PRELID2: variants seen among roughly 807,000 people sequenced by gnomAD.
PRELID2 encodes the protein PRELI domain containing 2.
A neutral mutation model predicts 28.4 loss-of-function variants in PRELID2; 25 were observed. The ratio of observed to expected loss-of-function variants is 0.88; its 90% confidence interval spans 0.64 to 1.23. The LOEUF (loss-of-function observed/expected upper bound fraction) is 1.23. Among genes scored for constraint, PRELID2 ranks in the 50% most tolerant of loss-of-function variants. PRELID2 has a pLI of 0.00. For synonymous variants in PRELID2, 76 were observed against 71.6 expected, an observed-to-expected ratio of 1.06 and a Z score of -0.31; for missense variants, 201 against 214.4, an observed-to-expected ratio of 0.94 and a Z score of 0.39.
intron 1 of PRELID2, among the ~76,000 whole-genome samples, chr5:145,493,478 T>C (rs370457948): frequency 6.6e-5 from 10 of 152,316 alleles, no homozygotes; most frequent in East Asian, 1.9e-4. Flanking sequence ...TTCTCTTGCC[T>C]AAAATTGTGC....
chr5:145,767,072 T>C (rs1479977275), intron 5 of PRELID2, among the ~76,000 whole-genome samples: 1 of 152,080 alleles, frequency 6.6e-6, no homozygotes, highest in African/African-American at 2.4e-5. Flanking sequence ...AGTCAGAATA[T>C]ACATTCCCGT....
At chr5:145,272,151 T>C in the PRELID2 span, among the ~76,000 whole-genome samples, 1 of 152,128 alleles carries the variant, frequency 6.6e-6, no homozygotes, top group Non-Finnish European at 1.5e-5. Context: ...TTTATTAGTT[T>C]GACTTACTGA....
chr5:145,364,534 T>C, the PRELID2 span, among the ~76,000 whole-genome samples: 1 of 151,982 alleles, frequency 6.6e-6, no homozygotes, highest in Non-Finnish European at 1.5e-5. Context: ...TCCTCAGCTT[T>C]TAAAAGAGTG....
At chr5:145,390,488 A>C in the PRELID2 span, among the ~76,000 whole-genome samples, 1 of 152,278 alleles carries the variant, frequency 6.6e-6, no homozygotes, top group South Asian at 2.1e-4. Context: ...AAACCATCAG[A>C]TATCATGAGA....
chr5:145,438,469 A>C, the PRELID2 span, among the ~76,000 whole-genome samples: 1 of 152,160 alleles, frequency 6.6e-6, no homozygotes, highest in Admixed American at 6.5e-5. Flanking sequence ...GGCAACCCTA[A>C]ATAAACCAAC....
chr5:145,270,280 C>T, the PRELID2 span, among the ~76,000 whole-genome samples: 2 of 152,066 alleles, frequency 1.3e-5, no homozygotes, highest in African/African-American at 4.8e-5. Flanking sequence ...CTAAAATACA[C>T]TTACAAAAAT....
At chr5:145,609,367 G>A (rs188057059) in intron 1 of PRELID2, among the ~76,000 whole-genome samples, 50 of 152,300 alleles carry the variant, frequency 3.3e-4, no homozygotes, top group African/African-American at 1.2e-3. Flanking sequence ...AAGTTCCCGT[G>A]CTGGTTCTTT....
intron 1 of PRELID2, among the ~76,000 whole-genome samples, chr5:145,610,868 C>G (rs1753603083): frequency 6.6e-6 from 1 of 151,806 alleles, no homozygotes; most frequent in Non-Finnish European, 1.5e-5. Flanking sequence ...CAAAATTCTT[C>G]TTTTTGAAAT....
In PRELID2 at chr5:145,741,961, A is replaced by AATAAAT. The variant is rs1433352696; in HGVS notation, n.70+22964_70+22969dup. On this transcript the variant is annotated intron_variant and non_coding_transcript_variant, in intron 1 of 2. Coordinates refer to the PRELID2 transcript ENST00000510259. ...TAAATAAATAAATTTATTATAATTA[A>AATAAAT]ATAAATAAATTTATTTAATTATAAT... Among the ~76,000 whole-genome samples, 13 of 71,418 alleles carry AATAAAT rather than the reference A, an allele frequency of 1.8e-4. No individual in the cohort carries two copies. In the Admixed American group the frequency reaches 2.5e-3, roughly 14 times the overall value. 46.9% of individuals were successfully genotyped at this position (71,418 alleles called of 152,430 possible).
At chr5:145,296,786 G>A in the PRELID2 span, among the ~76,000 whole-genome samples, 5 of 152,086 alleles carry the variant, frequency 3.3e-5, no homozygotes, top group Admixed American at 3.3e-4. Context: ...CACAAGGGTT[G>A]AACTAGTTTA....
chr5:145,262,260 G>A, the PRELID2 span, among the ~76,000 whole-genome samples: 5 of 151,944 alleles, frequency 3.3e-5, no homozygotes, highest in East Asian at 9.6e-4. Flanking sequence ...ATCTAAGTTT[G>A]GAAAACATAT....
intron 1 of PRELID2, among the ~76,000 whole-genome samples, chr5:145,590,848 C>T (rs781099255): frequency 2.6e-5 from 4 of 152,058 alleles, no homozygotes; most frequent in Non-Finnish European, 5.9e-5. Flanking sequence ...TAATTAAAAC[C>T]CATGAATACA....
chr5:145,703,293 C>T (rs1529708), intron 1 of PRELID2, among the ~76,000 whole-genome samples: 24,640 of 152,084 alleles, frequency 0.16, 4,824 homozygotes, highest in African/African-American at 0.47. Context: ...AAGTGAACTT[C>T]GTTGATTCAG....
chr5:145,418,751 T>A, the PRELID2 span, among the ~76,000 whole-genome samples: 1 of 152,022 alleles, frequency 6.6e-6, no homozygotes, highest in Non-Finnish European at 1.5e-5. Flanking sequence ...TATTATACTT[T>A]AAGTTTTAGG....
At chr5:145,449,273 C>T in the PRELID2 span, among the ~76,000 whole-genome samples, 5 of 152,004 alleles carry the variant, frequency 3.3e-5, no homozygotes, top group African/African-American at 4.8e-5. Flanking sequence ...AGGTCATAAA[C>T]GGACTTAAAG....
intron 1 of PRELID2, among the ~76,000 whole-genome samples, chr5:145,735,546 G>C (rs1231750666): frequency 6.6e-6 from 1 of 152,032 alleles, no homozygotes; most frequent in Non-Finnish European, 1.5e-5. Context: ...TTCATGACTG[G>C]AGAAAAAAAG....
At chr5:145,520,867 T>C (rs1481066388) in intron 1 of PRELID2, among the ~76,000 whole-genome samples, 1 of 152,132 alleles carries the variant, frequency 6.6e-6, no homozygotes, top group Admixed American at 6.5e-5. Context: ...TACATAAAAA[T>C]AAACTTTCTA....
At chr5:145,816,720 CTG>C (rs1236548560) in intron 4 of PRELID2, among the ~76,000 whole-genome samples, 1 of 152,132 alleles carries the variant, frequency 6.6e-6, no homozygotes, top group Admixed American at 6.6e-5. Context: ...GTAATATTAA[CTG>C]TTTTAAATCT....
At chr5:145,396,000 G>C in the PRELID2 span, among the ~76,000 whole-genome samples, 1,540 of 152,220 alleles carry the variant, frequency 0.01, 24 homozygotes, top group African/African-American at 0.035. Flanking sequence ...TGCCTGAATT[G>C]TTGTGTCTTC....
Sources: allele counts gnomAD v4.1 joint callset (sites outside exome capture counted in the v4.1 genomes callset), GRCh38; gene constraint gnomAD v4.1.1; transcripts MANE v1.5; gene names NCBI Gene and HGNC (gene_info 2026-07-23, HGNC 2026-07-21).